GSDME: variants seen among roughly 807,000 people sequenced by gnomAD.
GSDME encodes gasdermin-E.
Under a neutral mutation model 47.5 loss-of-function variants are expected in GSDME, and 44 were observed. The observed-to-expected ratio is 0.93, with a 90% CI of 0.73 to 1.19. The LOEUF is 1.19. Ranked by LOEUF, GSDME falls within the 50% of genes most tolerant of loss-of-function variation. The pLI is 0.00. For missense variants in GSDME, 663 were observed against 604.2 expected (o/e 1.10, Z -1.02); for synonymous variants, 258 against 252.8 (o/e 1.02, Z -0.20).
rs1471075539 is a variant in GSDME, at chr7:24,706,442, C to T, written c.991-66G>A. On this transcript the variant is annotated intron_variant, in intron 7 of 9. Coordinates refer to ENST00000645220, the MANE Select transcript of GSDME (RefSeq NM_001127453.2). ...GACCAAGCGCCACAGCTGGGGCCTC[C>T]GCTCACAGTACACACAAGCCCCAGC... 5.3e-5 allele frequency: 80 copies of T among 1,507,290 alleles called. 1 individual carries two copies. The highest frequency in any genetic ancestry group is 2.3e-4 in the Middle Eastern group (1 of 4,292). The allele number at this position is 1,507,290 out of a possible 1,614,324, so 93.4% of individuals were successfully genotyped here. A position where few individuals can be genotyped will look rare whatever the true frequency, so the allele number is the denominator to read the frequency against.
At chr7:24,759,794 A>G (rs897093467), upstream of GSDME, among the ~76,000 whole-genome samples, 1 of 152,222 alleles carries the variant, frequency 6.6e-6, no homozygotes, top group Middle Eastern at 3.2e-3. Context: ...CTTGTGTTCA[A>G]GATCTCACCT....
In GSDME at chr7:24,726,032, C is replaced by T. The variant is rs1433919979; in HGVS notation, c.405-6814G>A. The stretch of plus-strand genomic sequence containing the variant: ...AGACCAGGCAGGAGCTGCTGGGAGG[C>T]GGCAGGCAGAGATGGAGGGAGGGAA... On this transcript the variant is annotated intron_variant, in intron 3 of 9. Coordinates refer to ENST00000645220, the MANE Select transcript of GSDME (RefSeq NM_001127453.2). This position sits in a 1 kb window ranked among gnomAD's most constrained non-coding sequence, Gnocchi z 5.6. Among the ~76,000 whole-genome samples, 3 of 152,022 alleles carry T rather than the reference C, an allele frequency of 2.0e-5. No individual in the cohort carries two copies. The highest frequency in any genetic ancestry group is 4.8e-5 in the African/African-American group (2 of 41,398).
Position 24,744,637 on chromosome 7 carries a change from T to C in GSDME, c.329A>G (p.Glu110Gly). 6.2e-7 allele frequency: 1 copy of C among 1,614,220 alleles called. No individual in the cohort carries two copies. The highest frequency in any genetic ancestry group is 8.5e-7 in the Non-Finnish European group (1 of 1,180,034). ...CAGGGTTCCAAATGAAGACTGGCTC[T>C]CTACGCGGCTGCTGCCCCCCAGGTT... ...KLNLGGSSRV[E>G]SQSSFGTLRK... is the part of the protein sequence containing the mutation. Residue 110 changes from glutamate to glycine, a missense_variant, in exon 3 of 10, where the codon GAG (glutamate) becomes GGG (glycine). By Grantham distance (98) the Glu-to-Gly change is moderately conservative. Transcript: ENST00000645220. This position sits in a 1 kb window ranked among gnomAD's most constrained non-coding sequence, Gnocchi z 4.5.
At position 24,725,271 on chromosome 7, in the gene GSDME, C is replaced by G. The variant is rs953516130; in HGVS notation, c.405-6053G>C. Among the ~76,000 whole-genome samples the G allele has an allele frequency of 6.6e-6, 1 of 152,052 alleles. No homozygotes were observed. Among genetic ancestry groups the G allele is most frequent in the Non-Finnish European group, 1.5e-5 (1 of 68,026 alleles). The stretch of plus-strand genomic sequence containing the variant: ...TCAGTGAGATCTTGCATTAAATGAC[C>G]CACACTCTACCCAGCAGATGGCAGG... On this transcript the variant is annotated intron_variant, in intron 3 of 9. Coordinates refer to ENST00000645220, the MANE Select transcript of GSDME (RefSeq NM_001127453.2). The surrounding 1 kb of genome is among the most constrained non-coding windows in gnomAD (Gnocchi z 5.1).
intron 6 of GSDME, among the ~76,000 whole-genome samples, chr7:24,708,887 T>C (rs773505256): frequency 1.3e-5 from 2 of 152,330 alleles, no homozygotes; most frequent in Admixed American, 6.5e-5. Context: ...TCTCTTTTCC[T>C]TTCTTTGTTT....
At chr7:24,711,314 C>T (rs2282903) in intron 5 of GSDME, among the ~76,000 whole-genome samples, 19,454 of 152,062 alleles carry the variant, frequency 0.13, 1,384 homozygotes, top group Admixed American at 0.2. Context: ...CTACAACCTC[C>T]GTTTGCTGGA....
the GSDME span, among the ~76,000 whole-genome samples, chr7:24,787,239 T>A: frequency 5.3e-5 from 8 of 152,308 alleles, 1 homozygote; most frequent in East Asian, 1.5e-3. This position sits in a 1 kb window ranked among gnomAD's most constrained non-coding sequence, Gnocchi z 5.0. Flanking sequence ...CGTCCTCTCA[T>A]GTGCATCCAA....
rs1490889325 is a variant in GSDME, at chr7:24,721,969, C to T, written c.405-2751G>A. On this transcript the variant is annotated intron_variant, in intron 3 of 9. Coordinates refer to ENST00000645220, the MANE Select transcript of GSDME (RefSeq NM_001127453.2). This position sits in a 1 kb window ranked among gnomAD's most constrained non-coding sequence, Gnocchi z 4.1. Reference sequence around the variant, plus strand: ...GGTCACCTCCTCGGGGAAGCATTCCCTGCACCCCCATCATGCTATCACACC... The same window carrying T: ...GGTCACCTCCTCGGGGAAGCATTCCTTGCACCCCCATCATGCTATCACACC... 2.0e-5 allele frequency among the ~76,000 whole-genome samples: 3 copies of T among 152,234 alleles called. No homozygotes were observed. The highest frequency in any genetic ancestry group is 4.4e-5 in the Non-Finnish European group (3 of 68,044).
In GSDME at chr7:24,712,335, C is replaced by T. The variant is rs1219498056; in HGVS notation, c.698-1947G>A. On this transcript the variant is annotated intron_variant, in intron 5 of 9. Coordinates refer to ENST00000645220, the MANE Select transcript of GSDME (RefSeq NM_001127453.2). This position sits in a 1 kb window ranked among gnomAD's most constrained non-coding sequence, Gnocchi z 4.4. ...ACACAGCCTCAAATTCTGCCAGAAGCCCTGCCAGGTCCCCAAAATAATGTG... is the reference window on the plus strand; with the variant it reads ...ACACAGCCTCAAATTCTGCCAGAAGTCCTGCCAGGTCCCCAAAATAATGTG... Among the ~76,000 whole-genome samples the T allele has an allele frequency of 1.4e-4, 21 of 152,134 alleles. No homozygotes were observed. Among genetic ancestry groups the T allele is most frequent in the Admixed American group, 1.4e-3 (21 of 15,270 alleles).
intron 7 of GSDME, among the ~76,000 whole-genome samples, chr7:24,707,084 A>G (rs181955539): frequency 6.6e-6 from 1 of 152,204 alleles, no homozygotes; most frequent in Non-Finnish European, 1.5e-5. Flanking sequence ...CCCACCCTCT[A>G]GAATGCAAAT....
intron 3 of GSDME, among the ~76,000 whole-genome samples, chr7:24,740,326 G>A (rs999819334): frequency 6.6e-6 from 1 of 151,820 alleles, no homozygotes; most frequent in Non-Finnish European, 1.5e-5. Flanking sequence ...GATAGTTAAT[G>A]GGTCCAATAA....
chr7:24,787,229 C>G, the GSDME span, among the ~76,000 whole-genome samples: 1 of 152,188 alleles, frequency 6.6e-6, no homozygotes, highest in African/African-American at 2.4e-5. This position sits in a 1 kb window ranked among gnomAD's most constrained non-coding sequence, Gnocchi z 5.0. Context: ...CTGGCTGCCA[C>G]GTCCTCTCAT....
rs181469267 is a variant in GSDME at position 24,753,013 on chromosome 7, C to T, written c.-19-3220G>A. 8.4e-3 allele frequency among the ~76,000 whole-genome samples: 1,269 copies of T among 151,306 alleles called. 12 individuals carry two copies. Among genetic ancestry groups the T allele is most frequent in the Middle Eastern group, 0.024 (7 of 292 alleles). On this transcript the variant is annotated intron_variant, in intron 1 of 9. Coordinates refer to ENST00000645220, the MANE Select transcript of GSDME (RefSeq NM_001127453.2). ...TCATGTTTTTTTTTTTTCCATCTAA[C>T]ATCAAACAGCTAATTTGCCTTCTTG...
Position 24,744,274 on chromosome 7 carries a change from T to C in GSDME, c.404+288A>G, listed in dbSNP as rs1790578523. 1 of 445,258 alleles carries C rather than the reference T, an allele frequency of 2.2e-6. No homozygotes were observed. Among genetic ancestry groups the C allele is most frequent in the Non-Finnish European group, 4.1e-6 (1 of 241,466 alleles). The allele number at this position is 445,258 out of a possible 1,614,324, so 27.6% of individuals were successfully genotyped here. On this transcript the variant is annotated intron_variant, in intron 3 of 9. Transcript: ENST00000645220. This position sits in a 1 kb window ranked among gnomAD's most constrained non-coding sequence, Gnocchi z 4.5. ...ATATTCAAAAATGCAGGACAGAGCA[T>C]TTTTACCGTTCGCATTTTATAAATC...
intron 5 of GSDME, 197 bp from the exon 6 acceptor site, chr7:24,710,585 A>G (rs1025276389): frequency 1.7e-6 from 1 of 593,150 alleles, no homozygotes; most frequent in Non-Finnish European, 3.0e-6. Flanking sequence ...CACTTCCAAC[A>G]AATAAGGAAA....
the GSDME span, among the ~76,000 whole-genome samples, chr7:24,765,023 C>A: frequency 6.6e-6 from 1 of 152,106 alleles, no homozygotes; most frequent in Non-Finnish European, 1.5e-5. Context: ...GGGAAACATA[C>A]CATAGAAAGA....
chr7:24,735,098 C>G lies in GSDME; in HGVS notation c.404+9464G>C, dbSNP rs1790260343. 6.6e-6 allele frequency among the ~76,000 whole-genome samples: 1 copy of G among 152,194 alleles called. No individual in the cohort carries two copies. The highest frequency in any genetic ancestry group is 6.5e-5 in the Admixed American group (1 of 15,276). ...GAGCTCCAATATGTTTGGCAGCAGA[C>G]TTTTCAGCACAAGTCTTTAAAGGCC... On this transcript the variant is annotated intron_variant, in intron 3 of 9. Transcript: ENST00000645220. The surrounding 1 kb of genome is among the most constrained non-coding windows in gnomAD (Gnocchi z 4.4).
intron 3 of GSDME, among the ~76,000 whole-genome samples, chr7:24,729,474 G>T (rs1328149622): frequency 2.0e-5 from 3 of 152,348 alleles, no homozygotes; most frequent in African/African-American, 7.2e-5. Context: ...ACAGACGCAG[G>T]CAACTTCCGA....
At chr7:24,748,789 C>T (rs144314559) in intron 2 of GSDME, among the ~76,000 whole-genome samples, 21 of 152,202 alleles carry the variant, frequency 1.4e-4, no homozygotes, top group Non-Finnish European at 2.8e-4. Flanking sequence ...GGGACCAATG[C>T]CCATCTCCAT....
Sources: allele counts gnomAD v4.1 joint callset (sites outside exome capture counted in the v4.1 genomes callset), GRCh38; gene constraint gnomAD v4.1.1; non-coding constraint Gnocchi (gnomAD v3.1); transcripts MANE v1.5; gene names NCBI Gene and HGNC (gene_info 2026-07-23, HGNC 2026-07-21).